IDH1: variants seen among roughly 807,000 people sequenced by gnomAD.
The protein encoded by IDH1 is isocitrate dehydrogenase (NADP(+)) 1, also known as isocitrate dehydrogenase [NADP] cytoplasmic.
In IDH1, 33 loss-of-function variants were observed where a neutral mutation model predicts 46.1. That is an observed-to-expected ratio of 0.72 (90% CI 0.54 to 0.96). The LOEUF is 0.96. Ranked by LOEUF, IDH1 falls within the 40% of genes least tolerant of loss-of-function variation. The probability of loss-of-function intolerance (pLI) is 0.00; values close to 1 mark genes in which losing one functional copy is unlikely to be tolerated. For missense variants in IDH1, 421 were observed against 515.7 expected (o/e 0.82, Z 1.78); for synonymous variants, 144 against 172.8 (o/e 0.83, Z 1.31).
rs1559359182 is a variant in IDH1 at position 208,239,989 on chromosome 2, CGA to C, written c.863_864del (p.Leu288ArgfsTer59). Reference protein sequence around the residue: ...SDSVAQGYGSLGMMTSVLVCP... With the variant: ...SDSVAQGYGSXGMMTSVLVCP... ...CAAACCAGCACGCTGGTCATCATGC[CGA>C]GAGAGCCATACCCTGTAAGTAGTGG... On this transcript the variant is annotated frameshift_variant, in exon 8 of 10. Transcript: ENST00000345146. LOFTEE classifies it high-confidence loss of function. 2.2e-5 allele frequency: 35 copies of C among 1,614,116 alleles called. No homozygotes were observed. The highest frequency in any genetic ancestry group is 2.9e-5 in the Non-Finnish European group (34 of 1,180,020).
intron 5 of IDH1, 143 bp downstream of exon 5, chr2:208,245,176 T>C (rs970472403): frequency 1.9e-5 from 12 of 621,668 alleles, no homozygotes; most frequent in African/African-American, 1.7e-4. Flanking sequence ...TACTTCTTTA[T>C]GTCAAGTTTC....
At chr2:208,251,251 T>A (rs1335108805) in intron 3 of IDH1, 179 bp downstream of exon 3, 1 of 521,664 alleles carries the variant, frequency 1.9e-6, no homozygotes, top group East Asian at 3.0e-5. Context: ...TCCCTTTTTT[T>A]TCCTTTTTTT....
At chr2:208,253,835 T>C (rs777812033) in intron 2 of IDH1, 51 bp downstream of exon 2, 1 of 152,226 alleles carries the variant, frequency 6.6e-6, no homozygotes, top group Non-Finnish European at 1.5e-5. Context: ...AACACTGTAC[T>C]GCCACATCAA....
intron 7 of IDH1, chr2:208,240,409 A>G: frequency 6.2e-6 from 1 of 162,426 alleles, no homozygotes; most frequent in Non-Finnish European, 1.4e-5. Context: ...AATATATATG[A>G]ATATATATTT....
chr2:208,236,993 T>C lies in IDH1; in HGVS notation c.*86A>G. ...AACAAATTACAAAATTGATTTTGCCTTTATCCTTGAGTGTAACACAGAAAA... is the reference window on the plus strand; with the variant it reads ...AACAAATTACAAAATTGATTTTGCCCTTATCCTTGAGTGTAACACAGAAAA... On this transcript the variant is annotated 3_prime_UTR_variant, in exon 10 of 10. Coordinates refer to ENST00000345146, the MANE Select transcript of IDH1 (RefSeq NM_005896.4). 2.6e-6 allele frequency: 2 copies of C among 755,554 alleles called. No individual in the cohort carries two copies. Among genetic ancestry groups the C allele is most frequent in the South Asian group, 3.1e-5 (2 of 63,580 alleles). 46.8% of individuals were successfully genotyped at this position (755,554 alleles called of 1,614,324 possible). A position where few individuals can be genotyped will look rare whatever the true frequency, so the allele number is the denominator to read the frequency against.
intron 5 of IDH1, among the ~76,000 whole-genome samples, chr2:208,244,151 C>A (rs1687974418): frequency 6.6e-6 from 1 of 152,164 alleles, no homozygotes; most frequent in Admixed American, 6.5e-5. Context: ...CTGGGACCTC[C>A]CCCTTCTCTT....
intron 5 of IDH1, among the ~76,000 whole-genome samples, chr2:208,244,631 G>C (rs1337797087): frequency 6.6e-6 from 1 of 152,188 alleles, no homozygotes; most frequent in Non-Finnish European, 1.5e-5. Context: ...GTTAACTTGG[G>C]TTCAGGGTGA....
chr2:208,243,112 G>A (rs1687951239), intron 6 of IDH1, among the ~76,000 whole-genome samples: 1 of 152,166 alleles, frequency 6.6e-6, no homozygotes, highest in Non-Finnish European at 1.5e-5. Flanking sequence ...ATGGAAATGG[G>A]TCTGACTTAG....
chr2:208,250,917 A>C (rs187882667), intron 3 of IDH1, among the ~76,000 whole-genome samples: 39 of 152,358 alleles, frequency 2.6e-4, no homozygotes, highest in Admixed American at 2.4e-3. Context: ...AACTGCATTT[A>C]GTTTACTGTT....
intron 4 of IDH1, among the ~76,000 whole-genome samples, chr2:208,247,161 G>A (rs896600937): frequency 2.0e-5 from 3 of 152,108 alleles, no homozygotes; most frequent in Admixed American, 1.3e-4. Flanking sequence ...GGACTAAACT[G>A]TTTACCCTCA....
chr2:208,252,900 A>G (rs557802806), intron 2 of IDH1, among the ~76,000 whole-genome samples: 1 of 152,342 alleles, frequency 6.6e-6, no homozygotes, highest in South Asian at 2.1e-4. Flanking sequence ...AAAGAAATGA[A>G]CAGAATGGTG....
rs544049717 is a variant in IDH1 at position 208,251,640 on chromosome 2, T to G, written c.-16-73A>C. ...AGTGAAATATATAAACAACGTAGTG[T>G]TTATATAAACAACGTAGTGACTACT... On this transcript the variant is annotated intron_variant, in intron 2 of 9. Transcript: ENST00000345146. The G allele has an allele frequency of 5.5e-6, 7 of 1,261,940 alleles. No individual in the cohort carries two copies. The Admixed American group carries it at 1.3e-4, about 23-fold the overall frequency. 78.2% of individuals were successfully genotyped at this position (1,261,940 alleles called of 1,614,324 possible). A position where few individuals can be genotyped will look rare whatever the true frequency, so the allele number is the denominator to read the frequency against.
intron 7 of IDH1, 89 bp from the exon 8 acceptor site, chr2:208,240,092 G>A: frequency 2.1e-6 from 3 of 1,404,810 alleles, no homozygotes; most frequent in Non-Finnish European, 2.0e-6. Flanking sequence ...ACTCAATCTT[G>A]ATAGGTCTTG....
At chr2:208,245,994 T>C (rs1403852797) in intron 4 of IDH1, among the ~76,000 whole-genome samples, 2 of 152,324 alleles carry the variant, frequency 1.3e-5, no homozygotes, top group Non-Finnish European at 2.9e-5. Flanking sequence ...AGGAGGGAAC[T>C]ATGATATAGT....
In IDH1 at chr2:208,251,577, A is replaced by G. The variant is rs758284930; in HGVS notation, c.-16-10T>C. 6.2e-6 allele frequency: 10 copies of G among 1,602,898 alleles called. No individual in the cohort carries two copies. The South Asian group carries it at 1.1e-4, about 18-fold the overall frequency. On this transcript the variant is annotated splice_polypyrimidine_tract_variant and intron_variant, in intron 2 of 9. Coordinates refer to ENST00000345146, the MANE Select transcript of IDH1 (RefSeq NM_005896.4). ...TTTGACTTCAATAAACCTAAAAAGAAAAAAAAAATACATGCCTTGTCATTT... is the reference window on the plus strand; with the variant it reads ...TTTGACTTCAATAAACCTAAAAAGAGAAAAAAAATACATGCCTTGTCATTT...
rs111791823 is a variant in IDH1, at chr2:208,241,965, T to C, written c.850+29A>G. 44 of 1,610,078 alleles carry C rather than the reference T, an allele frequency of 2.7e-5. No individual in the cohort carries two copies. In the African/African-American group the frequency reaches 5.5e-4, roughly 20 times the overall value. On this transcript the variant is annotated intron_variant, in intron 7 of 9. Transcript: ENST00000345146. Reference sequence around the variant, plus strand: ...AGAGAACTACCCTGGAATGACCCTGTTCCTACAGGCCAGGCTCCACCTCTG... The same window carrying C: ...AGAGAACTACCCTGGAATGACCCTGCTCCTACAGGCCAGGCTCCACCTCTG...
intron 9 of IDH1, among the ~76,000 whole-genome samples, chr2:208,238,569 T>C (rs932653576): frequency 2.0e-5 from 3 of 152,220 alleles, no homozygotes; most frequent in African/African-American, 7.2e-5. Context: ...CTGTAATCAA[T>C]TGCACACCTT....
At chr2:208,251,319 AG>A (rs1688119281) in intron 3 of IDH1, 110 bp downstream of exon 3, 5 of 1,106,098 alleles carry the variant, frequency 4.5e-6, no homozygotes, top group Non-Finnish European at 5.4e-6. Context: ...CCTGGTCTTG[AG>A]GGATCCTCCT....
Position 208,248,447 on chromosome 2 carries a change from A to G in IDH1, c.336T>C (p.Ile112=). The change falls in exon 4 of 10, where the codon ATT becomes ATC. Residue 112 remains isoleucine, a synonymous_variant. Transcript: ENST00000345146. ...CAAGCCGGGGGATATTTTTGCAGAT[A>G]ATGGCTTCTCTGAAGACCGTGCCAC... ...ILGGTVFREA[I]ICKNIPRLVS... The G allele has an allele frequency of 6.2e-7, 1 of 1,614,192 alleles. No individual in the cohort carries two copies. Among genetic ancestry groups the G allele is most frequent in the Non-Finnish European group, 8.5e-7 (1 of 1,180,012 alleles).
Sources: allele counts gnomAD v4.1 joint callset (sites outside exome capture counted in the v4.1 genomes callset), GRCh38; gene constraint gnomAD v4.1.1; transcripts MANE v1.5; gene names NCBI Gene and HGNC (gene_info 2026-07-23, HGNC 2026-07-21).